Variants in NEGR1 observed in about 807,000 individuals in gnomAD.
NEGR1 encodes the protein neuronal growth regulator 1, also known as IgLON family member 4.
NEGR1 carries 10 observed loss-of-function variants against 40.9 expected under a neutral mutation model. That is an observed-to-expected ratio of 0.24 (90% CI 0.15 to 0.42). NEGR1 has a LOEUF of 0.42. NEGR1 is among the 10% of genes least tolerant of loss of function. NEGR1 has a pLI of 1.00. For synonymous variants in NEGR1, 185 were observed against 166.8 expected (o/e 1.11, Z -0.84); for missense variants, 352 against 438.9 (o/e 0.80, Z 1.77).
chr1:71,912,051 T>A (rs1469902857), intron 2 of NEGR1, among the ~76,000 whole-genome samples: 1 of 152,218 alleles, frequency 6.6e-6, no homozygotes, highest in Non-Finnish European at 1.5e-5. Context: ...ATATATTATA[T>A]GTCTGTGGCT....
At chr1:72,045,860 G>A (rs936656121) in intron 1 of NEGR1, among the ~76,000 whole-genome samples, 1 of 151,732 alleles carries the variant, frequency 6.6e-6, no homozygotes, top group Non-Finnish European at 1.5e-5. Flanking sequence ...GTTATCTACA[G>A]AAATTTCGAA....
At chr1:71,612,180 C>T (rs1650285281) in intron 4 of NEGR1, among the ~76,000 whole-genome samples, 1 of 152,194 alleles carries the variant, frequency 6.6e-6, no homozygotes, top group Non-Finnish European at 1.5e-5. Context: ...CGAGATTGTG[C>T]CACTGCACTC....
intron 1 of NEGR1, among the ~76,000 whole-genome samples, chr1:72,154,049 C>G (rs911194312): frequency 2.6e-5 from 4 of 151,558 alleles, no homozygotes; most frequent in African/African-American, 9.7e-5. Context: ...TGAGTGGAGA[C>G]AGCAAATGTG....
chr1:71,506,333 C>A (rs185026990), intron 6 of NEGR1, among the ~76,000 whole-genome samples: 3 of 152,076 alleles, frequency 2.0e-5, no homozygotes, highest in African/African-American at 7.2e-5. Flanking sequence ...GCCCTTGGGG[C>A]GCTCACTCAA....
chr1:72,182,051 C>T (rs531044390), intron 1 of NEGR1, among the ~76,000 whole-genome samples: 21 of 152,236 alleles, frequency 1.4e-4, no homozygotes, highest in Non-Finnish European at 2.2e-4. Flanking sequence ...GTTTTGCTGT[C>T]ATTGCTACAA....
At chr1:71,630,885 T>G (rs926795950) in intron 4 of NEGR1, among the ~76,000 whole-genome samples, 2 of 151,934 alleles carry the variant, frequency 1.3e-5, no homozygotes, top group Non-Finnish European at 2.9e-5. Context: ...GGGACTTTCA[T>G]GCATATTAGT....
In NEGR1 at chr1:71,911,003, T is replaced by C. The variant is rs1383901732; in HGVS notation, c.409+24076A>G. On this transcript the variant is annotated intron_variant, in intron 2 of 6. Transcript: ENST00000357731. The stretch of plus-strand genomic sequence containing the variant: ...ATGAGCCACCACTCCCAGCCTAGAG[T>C]CTTAGATTTTAACCAGAATTTCCTG... Among the ~76,000 whole-genome samples, 3 of 151,998 alleles carry C rather than the reference T, an allele frequency of 2.0e-5. No individual in the cohort carries two copies. The South Asian group carries it at 6.2e-4, about 32-fold the overall frequency.
chr1:71,829,155 G>A (rs1438314330), intron 2 of NEGR1, among the ~76,000 whole-genome samples: 1 of 151,784 alleles, frequency 6.6e-6, no homozygotes, highest in Non-Finnish European at 1.5e-5. Flanking sequence ...TTCTGGAGTT[G>A]GCTATTATAT....
intron 1 of NEGR1, among the ~76,000 whole-genome samples, chr1:71,995,954 G>T (rs953775733): frequency 6.6e-6 from 1 of 151,978 alleles, no homozygotes; most frequent in African/African-American, 2.4e-5. Flanking sequence ...AATTATTTTA[G>T]AGAACGAATA....
chr1:71,929,615 T>C (rs1328707102), intron 2 of NEGR1, among the ~76,000 whole-genome samples: 1 of 152,188 alleles, frequency 6.6e-6, no homozygotes, highest in Non-Finnish European at 1.5e-5. Flanking sequence ...TGGCGATAAT[T>C]TTTCTTTGGT....
At chr1:71,788,770 G>A (rs1426231057) in intron 2 of NEGR1, among the ~76,000 whole-genome samples, 1 of 151,614 alleles carries the variant, frequency 6.6e-6, no homozygotes, top group Non-Finnish European at 1.5e-5. Flanking sequence ...ATTATAGGAA[G>A]GCTACTCTCA....
At chr1:71,774,102 A>C (rs549126044) in intron 3 of NEGR1, among the ~76,000 whole-genome samples, 1 of 152,320 alleles carries the variant, frequency 6.6e-6, no homozygotes, top group South Asian at 2.1e-4. Flanking sequence ...TTTAAAACAC[A>C]TTTATGCCTA....
intron 1 of NEGR1, among the ~76,000 whole-genome samples, chr1:72,025,785 G>T (rs2100428196): frequency 6.6e-6 from 1 of 152,264 alleles, no homozygotes; most frequent in East Asian, 1.9e-4. Flanking sequence ...AAACTACGTT[G>T]CAGTTCTGGA....
chr1:71,846,535 A>G (rs1027739669), intron 2 of NEGR1, among the ~76,000 whole-genome samples: 2 of 152,114 alleles, frequency 1.3e-5, no homozygotes, highest in African/African-American at 4.8e-5. Context: ...CTCTGGTTTC[A>G]CTTCATCCCA....
chr1:71,552,665 G>A (rs1557564069), intron 6 of NEGR1, among the ~76,000 whole-genome samples: 1 of 150,028 alleles, frequency 6.7e-6, no homozygotes, highest in Admixed American at 6.7e-5. Context: ...ATATAGTATT[G>A]TATATATGAC....
chr1:71,420,057 G>A (rs1479009809), intron 6 of NEGR1, among the ~76,000 whole-genome samples: 1 of 151,956 alleles, frequency 6.6e-6, no homozygotes, highest in Non-Finnish European at 1.5e-5. Context: ...TGTAGATATT[G>A]CAAATTTGGC....
At chr1:72,068,145 T>C (rs1467634224) in intron 1 of NEGR1, among the ~76,000 whole-genome samples, 3 of 152,188 alleles carry the variant, frequency 2.0e-5, no homozygotes, top group African/African-American at 4.8e-5. Context: ...TGTTATTCAG[T>C]TATTATGGAC....
intron 3 of NEGR1, among the ~76,000 whole-genome samples, chr1:71,711,841 ATG>A (rs753083045): frequency 1.3e-5 from 2 of 152,222 alleles, no homozygotes; most frequent in Non-Finnish European, 2.9e-5. Flanking sequence ...AACCTAAGAC[ATG>A]TCTTATTGTT....
chr1:71,431,502 A>T (rs1453845448), intron 6 of NEGR1, among the ~76,000 whole-genome samples: 1 of 150,954 alleles, frequency 6.6e-6, no homozygotes. Context: ...AGGAAAGAGG[A>T]TCAATATTTA....
Sources: allele counts gnomAD v4.1 joint callset (sites outside exome capture counted in the v4.1 genomes callset), GRCh38; gene constraint gnomAD v4.1.1; transcripts MANE v1.5; gene names NCBI Gene and HGNC (gene_info 2026-07-23, HGNC 2026-07-21).